OLA1: variants seen among roughly 807,000 people sequenced by gnomAD.
OLA1 encodes Obg like ATPase 1.
A neutral mutation model predicts 48.4 loss-of-function variants in OLA1; 14 were observed. That is an observed-to-expected ratio of 0.29 (90% CI 0.19 to 0.45). The LOEUF is 0.45. OLA1 is among the 20% of genes least tolerant of loss of function. OLA1 has a pLI of 1.00. For missense variants in OLA1, 325 were observed against 467.1 expected, an observed-to-expected ratio of 0.70 and a Z score of 2.80; for synonymous variants, 127 against 150.4, an observed-to-expected ratio of 0.84 and a Z score of 1.14.
At chr2:174,206,738 T>C (rs1415793400) in intron 4 of OLA1, among the ~76,000 whole-genome samples, 1 of 152,164 alleles carries the variant, frequency 6.6e-6, no homozygotes, top group Non-Finnish European at 1.5e-5. Context: ...TTTTCCACAA[T>C]AAACAGAAGT....
intron 4 of OLA1, among the ~76,000 whole-genome samples, chr2:174,219,311 A>G (rs1417050212): frequency 6.6e-6 from 1 of 150,656 alleles, no homozygotes; most frequent in African/African-American, 2.4e-5. Context: ...TAAGTATTCT[A>G]TATTGTTTAT....
intron 4 of OLA1, among the ~76,000 whole-genome samples, chr2:174,203,594 C>T (rs975164495): frequency 6.6e-6 from 1 of 151,842 alleles, no homozygotes; most frequent in Non-Finnish European, 1.5e-5. Flanking sequence ...AGCCACTGTG[C>T]CTGGTCTCTA....
At chr2:174,075,907 A>G (rs1684724999) in intron 10 of OLA1, among the ~76,000 whole-genome samples, 1 of 152,202 alleles carries the variant, frequency 6.6e-6, no homozygotes, top group Non-Finnish European at 1.5e-5. Context: ...AAGACTATAT[A>G]ACTAGTTAAA....
intron 4 of OLA1, among the ~76,000 whole-genome samples, chr2:174,216,004 T>A (rs543493580): frequency 5.0e-4 from 76 of 152,202 alleles, no homozygotes; most frequent in African/African-American, 1.8e-3. Context: ...CTATAAATGT[T>A]GAATAACATA....
chr2:174,164,000 A>C (rs1574520947), intron 4 of OLA1, among the ~76,000 whole-genome samples: 1 of 151,402 alleles, frequency 6.6e-6, no homozygotes, highest in South Asian at 2.1e-4. Context: ...GTGGGAGGTA[A>C]TTGAATCATG....
chr2:174,229,243 A>G, intron 3 of OLA1, 65 bp downstream of exon 3: 1 of 1,459,238 alleles, frequency 6.9e-7, no homozygotes, highest in Non-Finnish European at 9.5e-7. Flanking sequence ...ACTCTTCTAT[A>G]TGACTTTAAA....
In OLA1 at chr2:174,103,191, AT is replaced by A. The variant is rs557149896; in HGVS notation, c.728+19988del. On this transcript the variant is annotated intron_variant, in intron 7 of 10. Coordinates refer to ENST00000284719, the MANE Select transcript of OLA1 (RefSeq NM_013341.5). The stretch of plus-strand genomic sequence containing the variant: ...GATATATAATCATGTGTACATGTGT[AT>A]CATGTGTATTTGGCTAATAGCATAA... Among the ~76,000 whole-genome samples, 456 of 98,140 alleles carry A rather than the reference AT, an allele frequency of 4.6e-3. 1 individual carries two copies. The highest frequency in any genetic ancestry group is 0.017 in the East Asian group (84 of 4,898). 64.4% of individuals were successfully genotyped at this position (98,140 alleles called of 152,430 possible). A position where few individuals can be genotyped will look rare whatever the true frequency, so the allele number is the denominator to read the frequency against.
At chr2:174,106,207 C>A (rs183432884) in intron 7 of OLA1, among the ~76,000 whole-genome samples, 2 of 152,130 alleles carry the variant, frequency 1.3e-5, no homozygotes, top group Non-Finnish European at 2.9e-5. Flanking sequence ...GAAGTTCAGA[C>A]AATCTAATTC....
intron 3 of OLA1, among the ~76,000 whole-genome samples, chr2:174,223,672 TTG>T (rs1688553805): frequency 6.6e-6 from 1 of 151,540 alleles, no homozygotes; most frequent in Non-Finnish European, 1.5e-5. Context: ...ACGAAATCTA[TTG>T]TATTCAAGAT....
intron 2 of OLA1, among the ~76,000 whole-genome samples, chr2:174,232,424 A>T (rs904242511): frequency 7.9e-5 from 12 of 152,098 alleles, no homozygotes; most frequent in Non-Finnish European, 1.6e-4. Flanking sequence ...ACAAATACGT[A>T]AGATGACAGA....
At chr2:174,079,802 T>A (rs1245929371) in intron 9 of OLA1, among the ~76,000 whole-genome samples, 1 of 151,924 alleles carries the variant, frequency 6.6e-6, no homozygotes, top group African/African-American at 2.4e-5. Context: ...GTTAAAGTGA[T>A]AAGGAGTCTG....
At chr2:174,159,650 T>G (rs1252871799) in intron 4 of OLA1, among the ~76,000 whole-genome samples, 4 of 152,126 alleles carry the variant, frequency 2.6e-5, no homozygotes, top group Non-Finnish European at 5.9e-5. Context: ...GCTTATATAA[T>G]AAATAAAATG....
intron 1 of OLA1, among the ~76,000 whole-genome samples, chr2:174,247,496 T>C (rs926705443): frequency 1.3e-5 from 2 of 152,196 alleles, no homozygotes; most frequent in Non-Finnish European, 2.9e-5. Context: ...TGATATATGG[T>C]TATATGAAAG....
chr2:174,219,033 C>T (rs1229038294), intron 4 of OLA1, among the ~76,000 whole-genome samples: 1 of 143,268 alleles, frequency 7.0e-6, no homozygotes, highest in Non-Finnish European at 1.5e-5. Flanking sequence ...CCTGTGCTTC[C>T]CGGGCCAATC....
At position 174,175,185 on chromosome 2, in the gene OLA1, C is replaced by T. The variant is rs80309506; in HGVS notation, c.374-33185G>A. 3.1e-3 allele frequency among the ~76,000 whole-genome samples: 463 copies of T among 151,520 alleles called. 5 individuals carry two copies. Among genetic ancestry groups the T allele is most frequent in the African/African-American group, 0.01 (418 of 41,326 alleles). ...TTAACAGAAGAAAATATCTGTAACA[C>T]AGCGCTGGGTAAAGATTTCTGAACC... On this transcript the variant is annotated intron_variant, in intron 4 of 10. Transcript: ENST00000284719.
chr2:174,171,352 G>A (rs1276364289), intron 4 of OLA1, among the ~76,000 whole-genome samples: 3 of 152,030 alleles, frequency 2.0e-5, no homozygotes, highest in African/African-American at 7.3e-5. Context: ...TAGTTCATTT[G>A]GCCCAGACTA....
chr2:174,113,034 AG>A (rs1257960967), intron 7 of OLA1, among the ~76,000 whole-genome samples: 2 of 152,056 alleles, frequency 1.3e-5, no homozygotes, highest in Non-Finnish European at 2.9e-5. Context: ...TCCATCTCCC[AG>A]GCTCAAGCGA....
At chr2:174,200,715 C>T (rs570323335) in intron 4 of OLA1, among the ~76,000 whole-genome samples, 179 of 152,186 alleles carry the variant, frequency 1.2e-3, no homozygotes, top group African/African-American at 4.2e-3. Flanking sequence ...TGAACCAACT[C>T]ATTATTTTAA....
rs1684807373 is a variant in OLA1, at chr2:174,079,043, A to C, written c.1014T>G (p.Phe338Leu). 2.5e-6 allele frequency: 4 copies of C among 1,605,184 alleles called. No homozygotes were observed. The highest frequency in any genetic ancestry group is 1.7e-5 in the Admixed American group (1 of 59,008). ...CTTCAGCCATAATGAATCCCTTTTCAAAATCTGTGTGAATCTTTCCTGCAG... is the reference window on the plus strand; with the variant it reads ...CTTCAGCCATAATGAATCCCTTTTCCAAATCTGTGTGAATCTTTCCTGCAG... ...PQAAGKIHTD[F>L]EKGFIMAEVM... Residue 338 changes from phenylalanine to leucine, a missense_variant, in exon 10 of 11, where the codon TTT becomes TTG. Phe to Leu is a conservative substitution (Grantham distance 22). Coordinates refer to ENST00000284719, the MANE Select transcript of OLA1 (RefSeq NM_013341.5).
Sources: gnomAD v4.1 joint callset for allele counts (sites outside exome capture counted in the v4.1 genomes callset) on GRCh38, gnomAD v4.1.1 for gene constraint, MANE v1.5 for transcripts, NCBI Gene and HGNC (gene_info 2026-07-23, HGNC 2026-07-21) for gene names.